Variants in SIPA1L2 observed in about 807,000 individuals in gnomAD.
The protein encoded by SIPA1L2 is signal induced proliferation associated 1 like 2, also known as signal-induced proliferation-associated 1-like protein 2.
Under a neutral mutation model 163.9 loss-of-function variants are expected in SIPA1L2, and 56 were observed. The observed-to-expected ratio is 0.34, with a 90% CI of 0.28 to 0.43. The LOEUF (loss-of-function observed/expected upper bound fraction) is 0.43, where lower values mean the gene tolerates loss of function less well. SIPA1L2 is among the 20% of genes least tolerant of loss of function. SIPA1L2 has a pLI of 1.00. For missense variants in SIPA1L2, 1,974 were observed against 2,193.5 expected, an observed-to-expected ratio of 0.90 and a Z score of 2.00; for synonymous variants, 877 against 865.7, an observed-to-expected ratio of 1.01 and a Z score of -0.23.
Position 232,490,782 on chromosome 1 carries a change from G to T in SIPA1L2, c.1806+92C>A, listed in dbSNP as rs1307266661. 3 of 1,287,118 alleles carry T rather than the reference G, an allele frequency of 2.3e-6. No individual in the cohort carries two copies. The East Asian group carries it at 7.0e-5, about 30-fold the overall frequency. 79.7% of individuals were successfully genotyped at this position (1,287,118 alleles called of 1,614,324 possible). A position where few individuals can be genotyped will look rare whatever the true frequency, so the allele number is the denominator to read the frequency against. ...ATGTTCTAAGGCATTTAAAATAAAT[G>T]ATCTTACAAGAAAGATGGATGGGAA... On this transcript the variant is annotated intron_variant, in intron 5 of 22. Coordinates refer to ENST00000674635, the MANE Select transcript of SIPA1L2 (RefSeq NM_020808.5).
rs867720074 is a variant in SIPA1L2 at position 232,572,722 on chromosome 1, C to T, written c.-270+1452G>A. ...ATATATATATATATATATATACACACATATATACATACATACATATATATA... is the reference window on the plus strand; with the variant it reads ...ATATATATATATATATATATACACATATATATACATACATACATATATATA... On this transcript the variant is annotated intron_variant, in intron 2 of 22. Coordinates refer to ENST00000674635, the MANE Select transcript of SIPA1L2 (RefSeq NM_020808.5). Among the ~76,000 whole-genome samples, 219 of 88,324 alleles carry T rather than the reference C, an allele frequency of 2.5e-3. 3 individuals are homozygous for T. Among genetic ancestry groups the T allele is most frequent in the African/African-American group, 8.6e-3 (212 of 24,726 alleles). 57.9% of individuals were successfully genotyped at this position (88,324 alleles called of 152,430 possible).
intron 2 of SIPA1L2, among the ~76,000 whole-genome samples, chr1:232,557,460 C>T (rs1359527577): frequency 6.6e-6 from 1 of 152,140 alleles, no homozygotes; most frequent in African/African-American, 2.4e-5. Flanking sequence ...CTATCTTAAC[C>T]CCACAACACA....
chr1:232,618,474 T>G (rs779512095), intron 1 of SIPA1L2, among the ~76,000 whole-genome samples: 8 of 152,030 alleles, frequency 5.3e-5, no homozygotes, highest in African/African-American at 1.9e-4. Context: ...ACCAAGATGG[T>G]GAAACCCCGT....
At chr1:232,406,273 G>A (rs573856976) in intron 19 of SIPA1L2, among the ~76,000 whole-genome samples, 6 of 152,314 alleles carry the variant, frequency 3.9e-5, no homozygotes, top group Middle Eastern at 3.4e-3. Context: ...CTTCATGTAC[G>A]TGGTCACGGT....
intron 3 of SIPA1L2, 50 bp from the exon 4 acceptor site, chr1:232,493,710 G>C (rs1666042865): frequency 1.9e-6 from 3 of 1,605,880 alleles, no homozygotes; most frequent in Non-Finnish European, 2.6e-6. Context: ...AAGGAACAAA[G>C]AGCAGGATGG....
chr1:232,463,411 C>T (rs1664340283), intron 9 of SIPA1L2, among the ~76,000 whole-genome samples: 1 of 152,236 alleles, frequency 6.6e-6, no homozygotes, highest in South Asian at 2.1e-4. Flanking sequence ...CTAATCCCTT[C>T]AACAGTCTTT....
In SIPA1L2 at chr1:232,528,102, A is replaced by ATATATATATATATATATC. The variant is rs34779799; in HGVS notation, c.-269-12495_-269-12494insGATATATATATATATATA. ...TTTATATATATATATATATATATAT[A>ATATATATATATATATATC]ATCAACTTTCTAAAAACCACAGGTA... On this transcript the variant is annotated intron_variant, in intron 2 of 22. Coordinates refer to ENST00000674635, the MANE Select transcript of SIPA1L2 (RefSeq NM_020808.5). Among the ~76,000 whole-genome samples the ATATATATATATATATATC allele has an allele frequency of 1.4e-3, 171 of 118,512 alleles. 18 individuals are homozygous for ATATATATATATATATATC. Among genetic ancestry groups the ATATATATATATATATATC allele is most frequent in the African/African-American group, 4.3e-3 (125 of 28,978 alleles). 77.7% of individuals were successfully genotyped at this position (118,512 alleles called of 152,430 possible). A position where few individuals can be genotyped will look rare whatever the true frequency, so the allele number is the denominator to read the frequency against.
chr1:232,547,995 C>T (rs1057023570), intron 2 of SIPA1L2, among the ~76,000 whole-genome samples: 2 of 152,194 alleles, frequency 1.3e-5, no homozygotes, highest in African/African-American at 4.8e-5. Flanking sequence ...ACACTGTGGC[C>T]TGACACACAA....
chr1:232,411,165 C>T (rs969504916), intron 19 of SIPA1L2, among the ~76,000 whole-genome samples: 3 of 152,192 alleles, frequency 2.0e-5, no homozygotes, highest in Admixed American at 2.0e-4. Flanking sequence ...TAATACTGTA[C>T]ATTTACATAT....
intron 1 of SIPA1L2, among the ~76,000 whole-genome samples, chr1:232,597,413 C>T (rs547276051): frequency 1.7e-4 from 26 of 151,772 alleles, no homozygotes; most frequent in East Asian, 5.8e-4. Flanking sequence ...CGCGGTGGCT[C>T]ACACCTGTAA....
At chr1:232,598,958 C>T (rs1053769551) in intron 1 of SIPA1L2, among the ~76,000 whole-genome samples, 1 of 137,540 alleles carries the variant, frequency 7.3e-6, no homozygotes, top group Admixed American at 7.9e-5. Flanking sequence ...AAACCCTCTA[C>T]CCCTCAAAAA....
chr1:232,527,409 C>T (rs1237387462), intron 2 of SIPA1L2, among the ~76,000 whole-genome samples: 2 of 152,068 alleles, frequency 1.3e-5, no homozygotes, highest in African/African-American at 4.8e-5. Flanking sequence ...GTTTTGCTTC[C>T]AGAGGGATAC....
chr1:232,439,271 T>A lies in SIPA1L2; in HGVS notation c.3868A>T (p.Ile1290Phe). Residue 1290 changes from isoleucine to phenylalanine, a missense_variant, in exon 15 of 23, where the codon ATC (isoleucine) becomes TTC (phenylalanine). This residue lies in a region of SIPA1L2 where 1,079 missense variants were observed against 1,150.7 expected (regional missense o/e 0.94). Coordinates refer to ENST00000674635, the MANE Select transcript of SIPA1L2 (RefSeq NM_020808.5). The part of the protein sequence containing the change: ...PVHLAGSRSL[I>F]HSRAEQWADA... ...GCCCACTGCTCGGCCCGGCTGTGGA[T>A]CAGGGACCTGCTGCCTGCCAGGTGC... 6.2e-7 allele frequency: 1 copy of A among 1,614,068 alleles called. No individual in the cohort carries two copies. The highest frequency in any genetic ancestry group is 8.5e-7 in the Non-Finnish European group (1 of 1,180,032).
intron 19 of SIPA1L2, among the ~76,000 whole-genome samples, chr1:232,405,297 C>A (rs922172955): frequency 6.6e-6 from 1 of 152,242 alleles, no homozygotes; most frequent in African/African-American, 2.4e-5. Flanking sequence ...CTGCCCTAGG[C>A]AGGCAGATGT....
chr1:232,470,120 G>GA (rs1481395561), intron 8 of SIPA1L2, among the ~76,000 whole-genome samples: 2 of 151,880 alleles, frequency 1.3e-5, no homozygotes, highest in Non-Finnish European at 2.9e-5. Flanking sequence ...GAGCTCCCAG[G>GA]AAAAAAAGGC....
intron 5 of SIPA1L2, among the ~76,000 whole-genome samples, chr1:232,485,293 C>T (rs1665591312): frequency 6.6e-6 from 1 of 152,170 alleles, no homozygotes. Flanking sequence ...CTGTCAAGGC[C>T]AGGAGATCCC....
At chr1:232,442,009 A>ATT in intron 12 of SIPA1L2, 141 bp from the exon 13 acceptor site, 1 of 659,038 alleles carries the variant, frequency 1.5e-6, no homozygotes, top group Non-Finnish European at 2.6e-6. Flanking sequence ...GAAAATGCAA[A>ATT]TTGTCAGCTC....
chr1:232,514,042 G>C lies in SIPA1L2; in HGVS notation c.1298C>G (p.Ser433Cys), dbSNP rs373443675. The C allele has an allele frequency of 8.8e-5, 142 of 1,614,218 alleles. No individual in the cohort carries two copies. In the Middle Eastern group the frequency reaches 2.0e-3, roughly 23 times the overall value. The stretch of plus-strand genomic sequence containing the variant: ...AGAGCAGCTTTCCCCAGAACTGAAA[G>C]AGGATGAGTTGGCTCGAGAGAGCGC... ...RIALSRANSS[S>C]FSSGESCSFE... The change falls in exon 3 of 23, where the codon TCT (serine) becomes TGT (cysteine). Residue 433 changes from serine (S) to cysteine (C), a missense_variant. Transcript: ENST00000674635.
intron 19 of SIPA1L2, among the ~76,000 whole-genome samples, chr1:232,413,492 G>C (rs992200599): frequency 2.6e-5 from 4 of 152,132 alleles, no homozygotes; most frequent in African/African-American, 9.7e-5. Flanking sequence ...CATAAACAAG[G>C]GTAGATACAG....
Sources: gnomAD v4.1 joint callset for allele counts (sites outside exome capture counted in the v4.1 genomes callset) on GRCh38, gnomAD v4.1.1 for gene constraint, gnomAD v4.1.1 regional missense constraint, MANE v1.5 for transcripts, NCBI Gene and HGNC (gene_info 2026-07-23, HGNC 2026-07-21) for gene names.